ABITRAM: variants seen among roughly 807,000 people sequenced by gnomAD.
The protein encoded by ABITRAM is protein Abitram.
A neutral mutation model predicts 22.9 loss-of-function variants in ABITRAM; 19 were observed. That is an observed-to-expected ratio of 0.83 (90% CI 0.58 to 1.22). The LOEUF is 1.22. Among genes scored for constraint, ABITRAM ranks in the 50% most tolerant of loss-of-function variants. The pLI is 0.00. For synonymous variants in ABITRAM, 70 were observed against 73.9 expected, an observed-to-expected ratio of 0.95 and a Z score of 0.27; for missense variants, 215 against 220.2, an observed-to-expected ratio of 0.98 and a Z score of 0.15.
rs755325773 is a variant in ABITRAM at position 108,934,578 on chromosome 9, T to A, written c.79+13T>A. 19 of 1,596,818 alleles carry A rather than the reference T, an allele frequency of 1.2e-5. No homozygotes were observed. In the Admixed American group the frequency reaches 3.1e-4, roughly 26 times the overall value. On this transcript the variant is annotated intron_variant, in intron 1 of 5. Coordinates refer to ENST00000322940, the MANE Select transcript of ABITRAM (RefSeq NM_017832.4). ...TGGTACAAACCGGGTAAGTGCGGAG[T>A]GATGTTGATCCCTCCTTGGCCGCAC...
At chr9:108,944,086 A>G (rs984701108), downstream of ABITRAM, 2 of 1,386,040 alleles carry the variant, frequency 1.4e-6, no homozygotes, top group African/African-American at 1.5e-5. Context: ...AAATATACTT[A>G]CTAATAATTT....
chr9:108,942,546 C>A, downstream of ABITRAM: 1 of 547,016 alleles, frequency 1.8e-6, no homozygotes, highest in Non-Finnish European at 3.2e-6. Context: ...GTGCAATGTT[C>A]TATTTTAAAA....
At chr9:108,942,615 T>G, downstream of ABITRAM, 1 of 600,236 alleles carries the variant, frequency 1.7e-6, no homozygotes, top group African/African-American at 1.9e-5. Context: ...TCAAAAAGCT[T>G]TACAATCAGT....
At chr9:108,942,844 G>C, downstream of ABITRAM, 1 of 1,613,362 alleles carries the variant, frequency 6.2e-7, no homozygotes, top group Non-Finnish European at 8.5e-7. Context: ...GCTGGAAAGA[G>C]TTAAGACAAT....
intron 3 of ABITRAM, among the ~76,000 whole-genome samples, chr9:108,950,202 C>G (rs1202518446): frequency 3.3e-5 from 5 of 152,136 alleles, no homozygotes; most frequent in African/African-American, 1.2e-4. Context: ...CAGCCAAAAG[C>G]TGAGATTTTT....
chr9:108,942,636 G>T, downstream of ABITRAM: 2 of 673,660 alleles, frequency 3.0e-6, no homozygotes, highest in South Asian at 4.1e-5. Context: ...TTCATGATCA[G>T]AAAATAGAGC....
intron 3 of ABITRAM, among the ~76,000 whole-genome samples, chr9:108,945,973 ACT>A (rs1830392590): frequency 6.6e-6 from 1 of 151,662 alleles, no homozygotes; most frequent in Admixed American, 6.6e-5. Context: ...ACTACCACTC[ACT>A]CTGTTGGCCA....
chr9:108,945,845 G>A (rs1830389284), downstream of ABITRAM, among the ~76,000 whole-genome samples: 1 of 152,214 alleles, frequency 6.6e-6, no homozygotes, highest in South Asian at 2.1e-4. Context: ...TGCAGATAGG[G>A]AGGGCCAAGT....
At chr9:108,935,555 T>C (rs1830169649) in intron 1 of ABITRAM, 83 bp from the exon 2 acceptor site, 35 of 1,071,848 alleles carry the variant, frequency 3.3e-5, no homozygotes, top group Non-Finnish European at 4.4e-5. Flanking sequence ...GTCTTCATTA[T>C]CAACTATATG....
At chr9:108,942,692 A>T (rs1185588370), downstream of ABITRAM, 1 of 984,610 alleles carries the variant, frequency 1.0e-6, no homozygotes, top group Non-Finnish European at 1.6e-6. Flanking sequence ...AATTTCTGAA[A>T]AGATAAAGGA....
downstream of ABITRAM, chr9:108,940,959 T>A (rs1830248602): frequency 6.6e-6 from 1 of 152,164 alleles, no homozygotes; most frequent in African/African-American, 2.4e-5. Flanking sequence ...ACAGAAGAAA[T>A]CATTCGATGT....
chr9:108,950,381 G>C, intron 3 of ABITRAM: 1 of 1,049,618 alleles, frequency 9.5e-7, no homozygotes, highest in Non-Finnish European at 1.3e-6. Flanking sequence ...CAACAGTTAA[G>C]AACAATGGAA....
Position 108,934,503 on chromosome 9 carries a change from A to G in ABITRAM, c.17A>G (p.Glu6Gly). ...GAGGTCGCCATGGCTACCGAGCCCG[A>G]AGCCGCGGAGCCGGTGGTGCCTTCG... is the stretch of plus-strand genomic sequence containing the variant. MATEPEAAEPVVPSLV... is the reference protein window; with the variant it reads MATEPGAAEPVVPSLV... Residue 6 changes from glutamate to glycine, a missense_variant, in exon 1 of 6, where the codon GAA becomes GGA. Coordinates refer to ENST00000322940, the MANE Select transcript of ABITRAM (RefSeq NM_017832.4). The G allele has an allele frequency of 6.2e-7, 1 of 1,605,260 alleles. No individual in the cohort carries two copies. The highest frequency in any genetic ancestry group is 1.4e-5 in the African/African-American group (1 of 74,036).
At chr9:108,936,886 G>A (rs1830195508) in intron 3 of ABITRAM, among the ~76,000 whole-genome samples, 1 of 152,106 alleles carries the variant, frequency 6.6e-6, no homozygotes, top group African/African-American at 2.4e-5. Flanking sequence ...ACATGGGCCG[G>A]TCACAATGGC....
intron 3 of ABITRAM, among the ~76,000 whole-genome samples, chr9:108,949,183 A>G (rs1367135481): frequency 6.6e-6 from 1 of 152,228 alleles, no homozygotes; most frequent in Non-Finnish European, 1.5e-5. Context: ...CAAGGTATTT[A>G]TCTATTACAG....
Position 108,948,054 on chromosome 9 carries a change from T to C in ABITRAM, c.262-2453T>C, listed in dbSNP as rs1284123247. The C allele has an allele frequency of 5.8e-6, 6 of 1,035,992 alleles. No individual in the cohort carries two copies. In the East Asian group the frequency reaches 1.4e-4, roughly 24 times the overall value. 64.2% of individuals were successfully genotyped at this position (1,035,992 alleles called of 1,614,324 possible). A position where few individuals can be genotyped will look rare whatever the true frequency, so the allele number is the denominator to read the frequency against. ...GCCATCTACCTTTCTACTTTTCTACTGCTCTCTGTAATACACAGGTAGGTA... is the reference window on the plus strand; with the variant it reads ...GCCATCTACCTTTCTACTTTTCTACCGCTCTCTGTAATACACAGGTAGGTA... On this transcript the variant is annotated intron_variant, in intron 3 of 3. Transcript: ENST00000374624.
At position 108,950,616 on chromosome 9, in the gene ABITRAM, C is replaced by CTT. The variant is rs1564121579; in HGVS notation, c.*24_*25dup. 5.8e-6 allele frequency: 9 copies of CTT among 1,549,090 alleles called. No homozygotes were observed. The Admixed American group carries it at 1.8e-4, about 31-fold the overall frequency. On this transcript the variant is annotated 3_prime_UTR_variant, in exon 4 of 4. Coordinates refer to the ABITRAM transcript ENST00000374624. Reference sequence around the variant, plus strand: ...TAATCCTCCTTCTATAGGAAGGAATCTTCACGAGCACAGGATCCCTCACTT... The same window carrying CTT: ...TAATCCTCCTTCTATAGGAAGGAATCTTTTCACGAGCACAGGATCCCTCACTT...
intron 3 of ABITRAM, among the ~76,000 whole-genome samples, chr9:108,948,744 G>A (rs1447619618): frequency 6.6e-6 from 1 of 152,188 alleles, no homozygotes; most frequent in Non-Finnish European, 1.5e-5. Context: ...ACTCTCATCA[G>A]AAGATTGAGG....
chr9:108,943,746 T>C (rs775876992), downstream of ABITRAM: 22 of 1,613,730 alleles, frequency 1.4e-5, no homozygotes, highest in Middle Eastern at 1.6e-4. Flanking sequence ...AGTTACTGTC[T>C]GGAGCTGGTG....
Sources: gnomAD v4.1 joint callset for allele counts (sites outside exome capture counted in the v4.1 genomes callset) on GRCh38, gnomAD v4.1.1 for gene constraint, MANE v1.5 for transcripts, NCBI Gene and HGNC (gene_info 2026-07-23, HGNC 2026-07-21) for gene names.